Variants in FGGY observed in about 807,000 individuals in gnomAD.
The protein encoded by FGGY is FGGY carbohydrate kinase domain containing.
FGGY carries 72 observed loss-of-function variants against 71.3 expected under a neutral mutation model. The ratio of observed to expected loss-of-function variants is 1.01; its 90% confidence interval spans 0.84 to 1.23. The LOEUF is 1.23. Among genes scored for constraint, FGGY ranks in the 50% most tolerant of loss-of-function variants. FGGY has a pLI of 0.00. For missense variants in FGGY, 668 were observed against 682.3 expected (o/e 0.98, Z 0.23); for synonymous variants, 251 against 250.3 (o/e 1.00, Z -0.02).
chr1:59,491,052 T>TCCCCTCCC lies in FGGY; in HGVS notation c.671-21259_671-21258insCCCCTCCC, dbSNP rs1356663300. Among the ~76,000 whole-genome samples the TCCCCTCCC allele has an allele frequency of 2.6e-3, 30 of 11,614 alleles. 2 individuals carry two copies. The highest frequency in any genetic ancestry group is 0.014 in the South Asian group (3 of 222). 7.6% of individuals were successfully genotyped at this position (11,614 alleles called of 152,430 possible). ...TCCTTTCCTTTCCTTCCTTCCTTCC[T>TCCCCTCCC]TCCTTCCTTCCTTCCTTCCTTCCTT... On this transcript the variant is annotated intron_variant, in intron 6 of 15. Transcript: ENST00000303721.
At chr1:59,440,203 A>G (rs1249224312) in intron 5 of FGGY, among the ~76,000 whole-genome samples, 1 of 152,054 alleles carries the variant, frequency 6.6e-6, no homozygotes, top group African/African-American at 2.4e-5. Flanking sequence ...AGTGCTCTCA[A>G]TTAGAAAAAC....
At chr1:59,724,888 C>CA (rs2097928900) in intron 14 of FGGY, among the ~76,000 whole-genome samples, 1 of 152,084 alleles carries the variant, frequency 6.6e-6, no homozygotes. Flanking sequence ...GTTTCTTTAT[C>CA]AGATATGTGT....
rs2153398944 is a variant in FGGY, at chr1:59,398,734, G to A, written c.554+19897G>A. Among the ~76,000 whole-genome samples, 2 of 152,248 alleles carry A rather than the reference G, an allele frequency of 1.3e-5. 1 individual carries two copies. Among genetic ancestry groups the A allele is most frequent in the South Asian group, 4.1e-4 (2 of 4,828 alleles). On this transcript the variant is annotated intron_variant, in intron 5 of 15. Transcript: ENST00000303721. Reference sequence around the variant, plus strand: ...TTTTCAGAATGAGAAAATCTAGAGAGAAGTCCAGTTTGATTATACTAGAAC... The same window carrying A: ...TTTTCAGAATGAGAAAATCTAGAGAAAAGTCCAGTTTGATTATACTAGAAC...
intron 5 of FGGY, among the ~76,000 whole-genome samples, chr1:59,398,502 G>T (rs527606837): frequency 9.9e-5 from 15 of 152,242 alleles, no homozygotes; most frequent in Admixed American, 9.8e-4. Context: ...GCCTTCCAAA[G>T]TTCTGGTATT....
chr1:59,546,509 ATG>A (rs1194314769), intron 7 of FGGY, among the ~76,000 whole-genome samples: 3 of 146,074 alleles, frequency 2.1e-5, no homozygotes, highest in African/African-American at 7.7e-5. Flanking sequence ...GATGATGATG[ATG>A]ATGATGATGA....
intron 4 of FGGY, among the ~76,000 whole-genome samples, chr1:59,374,290 A>G (rs1357574692): frequency 2.6e-5 from 4 of 152,338 alleles, no homozygotes; most frequent in Non-Finnish European, 2.9e-5. Flanking sequence ...GCAGCCAGAA[A>G]CCACATGAAA....
chr1:59,312,618 G>A (rs1162949473), intron 1 of FGGY, among the ~76,000 whole-genome samples: 2 of 152,212 alleles, frequency 1.3e-5, no homozygotes, highest in Non-Finnish European at 2.9e-5. Flanking sequence ...TCTTTAAGGG[G>A]ATGTTTGTTG....
At chr1:59,557,331 T>G (rs145497089) in intron 8 of FGGY, among the ~76,000 whole-genome samples, 20 of 152,286 alleles carry the variant, frequency 1.3e-4, no homozygotes, top group African/African-American at 4.8e-4. Flanking sequence ...TGTTTCCAAT[T>G]TAGTAGATTG....
chr1:59,548,125 G>A (rs2095554840), intron 7 of FGGY, among the ~76,000 whole-genome samples: 1 of 152,158 alleles, frequency 6.6e-6, no homozygotes, highest in Non-Finnish European at 1.5e-5. Flanking sequence ...GGTGTTTTGG[G>A]GATGTGGGGA....
chr1:59,315,710 G>A (rs184639811), intron 1 of FGGY: 1 of 152,264 alleles, frequency 6.6e-6, no homozygotes, highest in Admixed American at 6.5e-5. Flanking sequence ...GCTTATACGC[G>A]TTTTTACAGA....
chr1:59,410,025 A>G (rs2153424307), intron 5 of FGGY, among the ~76,000 whole-genome samples: 1 of 152,314 alleles, frequency 6.6e-6, no homozygotes, highest in African/African-American at 2.4e-5. Context: ...TGATTCCAGA[A>G]CTTATGCCAT....
intron 9 of FGGY, 112 bp downstream of exon 9, chr1:59,608,022 C>T (rs907726054): frequency 9.0e-6 from 7 of 779,632 alleles, no homozygotes; most frequent in Middle Eastern, 5.0e-4. Context: ...ACCCCTGAAT[C>T]GGGGTGTACT....
intron 6 of FGGY, among the ~76,000 whole-genome samples, chr1:59,499,352 G>A (rs1222080077): frequency 2.2e-5 from 3 of 134,058 alleles, no homozygotes; most frequent in Non-Finnish European, 3.1e-5. Flanking sequence ...GCGGACGACA[G>A]GGAGGTAGTG....
intron 14 of FGGY, among the ~76,000 whole-genome samples, chr1:59,753,497 T>C (rs1439180489): frequency 2.3e-5 from 3 of 129,334 alleles, no homozygotes; most frequent in Non-Finnish European, 3.3e-5. Context: ...TATATATATA[T>C]ATATATATAT....
chr1:59,534,797 C>A (rs2095266219), intron 7 of FGGY, among the ~76,000 whole-genome samples: 1 of 151,720 alleles, frequency 6.6e-6, no homozygotes, highest in African/African-American at 2.4e-5. Context: ...ATTTTGTCAC[C>A]ACCAGGCCTG....
At chr1:59,423,119 G>A (rs1288533633) in intron 5 of FGGY, among the ~76,000 whole-genome samples, 1 of 152,160 alleles carries the variant, frequency 6.6e-6, no homozygotes, top group Non-Finnish European at 1.5e-5. Flanking sequence ...CAGGAAACTG[G>A]ACCAATTGGG....
chr1:59,385,048 T>G (rs1208622302), intron 5 of FGGY, among the ~76,000 whole-genome samples: 3 of 152,212 alleles, frequency 2.0e-5, no homozygotes, highest in Non-Finnish European at 2.9e-5. Flanking sequence ...TACGTTTTAG[T>G]AGAGTCAAGA....
At chr1:59,720,431 A>G (rs2097880766) in intron 14 of FGGY, among the ~76,000 whole-genome samples, 2 of 152,228 alleles carry the variant, frequency 1.3e-5, no homozygotes, top group Admixed American at 1.3e-4. Context: ...GCAAAATGAA[A>G]TGAGAGGTTG....
intron 12 of FGGY, among the ~76,000 whole-genome samples, chr1:59,666,627 A>G (rs1469941296): frequency 2.0e-5 from 3 of 152,208 alleles, no homozygotes; most frequent in South Asian, 2.1e-4. Flanking sequence ...ACTGAGACAC[A>G]AGGCTGAATT....
Sources: allele counts gnomAD v4.1 joint callset (sites outside exome capture counted in the v4.1 genomes callset), GRCh38; gene constraint gnomAD v4.1.1; transcripts MANE v1.5; gene names NCBI Gene and HGNC (gene_info 2026-07-23, HGNC 2026-07-21).